The following ACCSL variants were observed in gnomAD, a reference collection of about 807,000 sequenced individuals.
ACCSL encodes 1-aminocyclopropane-1-carboxylate synthase homolog (inactive) like, also known as probable inactive 1-aminocyclopropane-1-carboxylate synthase-like protein 2.
A neutral mutation model predicts 61.7 loss-of-function variants in ACCSL; 55 were observed. That is an observed-to-expected ratio of 0.89 (90% CI 0.72 to 1.12). The LOEUF is 1.12. Ranked by LOEUF, ACCSL falls within the 50% of genes most tolerant of loss-of-function variation. The pLI is 0.00. For synonymous variants in ACCSL, 258 were observed against 264.3 expected (o/e 0.98, Z 0.23); for missense variants, 632 against 698.0 (o/e 0.91, Z 1.07).
the ACCSL span, among the ~76,000 whole-genome samples, chr11:43,968,517 A>C: frequency 1.3e-5 from 2 of 152,134 alleles, no homozygotes; most frequent in Non-Finnish European, 2.9e-5. Context: ...CTTTTTGAAC[A>C]TCCAGGAAAA....
At position 44,056,182 on chromosome 11, in the gene ACCSL, T is replaced by C; in HGVS notation, c.1186-3T>C. ...GTTCCTGTTCCTGCTTTTCTTCCTC[T>C]AGGATTTTGGCATCTCTGGCTTCCG... On this transcript the variant is annotated splice_polypyrimidine_tract_variant and splice_region_variant and intron_variant, in intron 10 of 13. Coordinates refer to ENST00000378832, the MANE Select transcript of ACCSL (RefSeq NM_001031854.2). 6.2e-7 allele frequency: 1 copy of C among 1,614,194 alleles called. No individual in the cohort carries two copies.
At chr11:44,059,455 C>T (rs1227334093) in intron 13 of ACCSL, among the ~76,000 whole-genome samples, 1 of 152,150 alleles carries the variant, frequency 6.6e-6, no homozygotes, top group Non-Finnish European at 1.5e-5. Flanking sequence ...GCTGTTCTAC[C>T]TGCTGGGAAT....
At chr11:43,937,242 C>A in the ACCSL span, among the ~76,000 whole-genome samples, 1 of 152,158 alleles carries the variant, frequency 6.6e-6, no homozygotes, top group East Asian at 1.9e-4. Flanking sequence ...CAGTGGCCAA[C>A]AATGACCACC....
chr11:44,042,654 T>TG, the ACCSL span, among the ~76,000 whole-genome samples: 1 of 151,790 alleles, frequency 6.6e-6, no homozygotes, highest in African/African-American at 2.4e-5. Flanking sequence ...TTGTTTGTTT[T>TG]TTTTGTTTTT....
At chr11:44,007,092 G>A in the ACCSL span, among the ~76,000 whole-genome samples, 3 of 152,094 alleles carry the variant, frequency 2.0e-5, no homozygotes, top group Non-Finnish European at 2.9e-5. Flanking sequence ...TAGGCTTGGC[G>A]GGACAATTTT....
the ACCSL span, among the ~76,000 whole-genome samples, chr11:43,927,389 CA>C: frequency 6.6e-6 from 1 of 152,192 alleles, no homozygotes; most frequent in African/African-American, 2.4e-5. Context: ...ATTCAGACTT[CA>C]ATTCAAATAA....
At chr11:43,937,776 A>G in the ACCSL span, among the ~76,000 whole-genome samples, 24 of 151,830 alleles carry the variant, frequency 1.6e-4, no homozygotes, top group Admixed American at 3.3e-4. Flanking sequence ...TGCTAAGTCC[A>G]TATAATAGAG....
At chr11:44,051,600 C>T (rs1049389367) in intron 4 of ACCSL, 53 bp from the exon 5 acceptor site, 13 of 1,607,192 alleles carry the variant, frequency 8.1e-6, no homozygotes, top group Admixed American at 3.3e-5. Context: ...CATGGCTACC[C>T]CTTCTCACAT....
chr11:43,967,899 C>T, the ACCSL span, among the ~76,000 whole-genome samples: 35 of 152,188 alleles, frequency 2.3e-4, no homozygotes, highest in Admixed American at 1.6e-3. Context: ...TGTTGCCTCA[C>T]CCACTCCAGC....
the ACCSL span, among the ~76,000 whole-genome samples, chr11:43,990,354 T>C: frequency 6.6e-6 from 1 of 152,170 alleles, no homozygotes; most frequent in Non-Finnish European, 1.5e-5. Context: ...AACATCAAGA[T>C]ACAAACAGAT....
At chr11:43,926,150 A>G in the ACCSL span, among the ~76,000 whole-genome samples, 1 of 152,118 alleles carries the variant, frequency 6.6e-6, no homozygotes, top group Non-Finnish European at 1.5e-5. Flanking sequence ...TCATATTAAG[A>G]TCCAGCTGCA....
the ACCSL span, among the ~76,000 whole-genome samples, chr11:43,970,277 C>G: frequency 6.6e-6 from 1 of 152,130 alleles, no homozygotes; most frequent in African/African-American, 2.4e-5. Context: ...ATGATCAGAG[C>G]TCCCTGCAGC....
the ACCSL span, among the ~76,000 whole-genome samples, chr11:43,940,031 T>G: frequency 6.6e-6 from 1 of 152,238 alleles, no homozygotes; most frequent in East Asian, 1.9e-4. Flanking sequence ...GCCTCTACCC[T>G]AATCCAAGCC....
At chr11:44,021,206 T>C in the ACCSL span, among the ~76,000 whole-genome samples, 2 of 152,342 alleles carry the variant, frequency 1.3e-5, no homozygotes. Flanking sequence ...CTGTTTCCCA[T>C]AGTGGTTGTA....
the ACCSL span, among the ~76,000 whole-genome samples, chr11:43,959,635 G>A: frequency 6.6e-6 from 1 of 152,162 alleles, no homozygotes; most frequent in Non-Finnish European, 1.5e-5. Context: ...CTCTGCCCTT[G>A]CTGTCTTGCT....
the ACCSL span, chr11:43,933,314 G>A: frequency 1.1e-5 from 4 of 378,034 alleles, no homozygotes; most frequent in South Asian, 7.8e-5. Flanking sequence ...AGTAATGTCA[G>A]ATGGACCTAG....
the ACCSL span, chr11:43,925,105 G>A: frequency 4.7e-6 from 1 of 212,580 alleles, no homozygotes; most frequent in South Asian, 7.6e-5. Flanking sequence ...AAGAGGGGAG[G>A]CATGAATGTG....
At chr11:43,928,620 T>A in the ACCSL span, among the ~76,000 whole-genome samples, 1 of 152,054 alleles carries the variant, frequency 6.6e-6, no homozygotes, top group Non-Finnish European at 1.5e-5. Context: ...GGCCTCCAGG[T>A]GTGCTTCTCA....
At chr11:44,035,957 A>AAAAG in the ACCSL span, among the ~76,000 whole-genome samples, 14 of 151,500 alleles carry the variant, frequency 9.2e-5, no homozygotes, top group Non-Finnish European at 1.5e-4. Context: ...AAAAAAAAAA[A>AAAAG]AAAGAAAGAA....
Sources: gnomAD v4.1 joint callset for allele counts (sites outside exome capture counted in the v4.1 genomes callset) on GRCh38, gnomAD v4.1.1 for gene constraint, MANE v1.5 for transcripts, NCBI Gene and HGNC (gene_info 2026-07-23, HGNC 2026-07-21) for gene names.